DMD: variants seen among roughly 807,000 people sequenced by gnomAD.
The protein encoded by DMD is mutant dystrophin.
DMD carries 63 observed loss-of-function variants against 330.1 expected under a neutral mutation model. That is an observed-to-expected ratio of 0.19 (90% CI 0.16 to 0.24). The LOEUF (loss-of-function observed/expected upper bound fraction) is 0.24, where lower values mean the gene tolerates loss of function less well. Among genes scored for constraint, DMD ranks in the 10% least tolerant of loss-of-function variants. The pLI is 1.00. For synonymous variants in DMD, 1,223 were observed against 959.8 expected (o/e 1.27, Z -5.07); for missense variants, 3,344 against 2,684.1 (o/e 1.25, Z -5.43).
At chrX:32,769,700 G>A (rs2148450519) in intron 7 of DMD, among the ~76,000 whole-genome samples, 1 of 110,940 alleles carries the variant, frequency 9.0e-6, no homozygotes, top group African/African-American at 3.3e-5. Context: ...AGATATAAGA[G>A]CAGATGAATA....
At chrX:31,295,419 TTTTGTTTG>T (rs764149867) in intron 62 of DMD, among the ~76,000 whole-genome samples, 6 of 110,927 alleles carry the variant, frequency 5.4e-5, no homozygotes, top group African/African-American at 1.6e-4. Flanking sequence ...AATTCAATAT[TTTTGTTTG>T]TTTGTTTGTT....
At position 32,823,415 on chromosome X, in the gene DMD, A is replaced by C. The variant is rs766076256; in HGVS notation, c.265-28T>G. ...GTTAAAGAAAGGGGTAAAACATTTG[A>C]AGGTAAGAGACCAAATGCCTAGTTG... On this transcript the variant is annotated intron_variant, in intron 4 of 78. Transcript: ENST00000357033. 4 of 1,017,680 alleles carry C rather than the reference A, an allele frequency of 3.9e-6. No homozygotes were observed. In the Admixed American group the frequency reaches 8.8e-5, roughly 22 times the overall value. 83.9% of individuals were successfully genotyped at this position (1,017,680 alleles called of 1,213,427 possible). A position where few individuals can be genotyped will look rare whatever the true frequency, so the allele number is the denominator to read the frequency against.
intron 7 of DMD, among the ~76,000 whole-genome samples, chrX:32,806,167 G>T (rs895082267): frequency 8.9e-6 from 1 of 111,809 alleles, no homozygotes; most frequent in African/African-American, 3.3e-5. Context: ...AGACCAAATG[G>T]TGTGCTGTAG....
chrX:32,979,814 G>A (rs777556508), intron 2 of DMD, among the ~76,000 whole-genome samples: 8 of 111,299 alleles, frequency 7.2e-5, no homozygotes, highest in Admixed American at 2.9e-4. Flanking sequence ...ATTTCTCTGA[G>A]GAAGAAACAT....
chrX:32,637,068 C>T (rs1342054589), intron 11 of DMD, among the ~76,000 whole-genome samples: 4 of 111,529 alleles, frequency 3.6e-5, no homozygotes, highest in Non-Finnish European at 7.5e-5. Context: ...AATCAATCTT[C>T]CTGATTAAAT....
chrX:32,212,862 A>C (rs2097098111), intron 44 of DMD, among the ~76,000 whole-genome samples: 1 of 111,643 alleles, frequency 9.0e-6, no homozygotes, highest in Non-Finnish European at 1.9e-5. Context: ...AAAAGCACTA[A>C]TTCATGTACT....
chrX:32,524,079 C>T (rs1243426224), intron 17 of DMD, among the ~76,000 whole-genome samples: 1 of 108,999 alleles, frequency 9.2e-6, no homozygotes, highest in Non-Finnish European at 1.9e-5. Context: ...ACCACAGGCG[C>T]CCGCCACCAC....
chrX:32,621,157 G>A (rs1162215228), intron 11 of DMD, among the ~76,000 whole-genome samples: 4 of 111,493 alleles, frequency 3.6e-5, no homozygotes, highest in South Asian at 3.8e-4. Flanking sequence ...CTTTAGTGCA[G>A]TACTGGACAA....
intron 62 of DMD, among the ~76,000 whole-genome samples, chrX:31,265,783 T>TGGGGGGGGGGGGGG (rs57593344): frequency 6.1e-5 from 1 of 16,268 alleles, no homozygotes; most frequent in African/African-American, 3.0e-4. Flanking sequence ...ATTGGGGGTG[T>TGGGGGGGGGGGGGG]GGGGGGGGGG....
intron 41 of DMD, among the ~76,000 whole-genome samples, chrX:32,332,272 AT>A (rs750675557): frequency 1.8e-5 from 2 of 109,600 alleles, no homozygotes; most frequent in Non-Finnish European, 3.8e-5. Context: ...AAAAAAGACA[AT>A]TTTTTTTTGC....
chrX:33,113,414 A>G (rs1603299198), intron 1 of DMD, among the ~76,000 whole-genome samples: 2 of 106,539 alleles, frequency 1.9e-5, no homozygotes, highest in Admixed American at 9.7e-5. Flanking sequence ...GTAATTGGGG[A>G]AAAAAATAGT....
At chrX:31,660,147 G>C (rs2081042752) in intron 53 of DMD, among the ~76,000 whole-genome samples, 1 of 112,287 alleles carries the variant, frequency 8.9e-6, no homozygotes, top group Non-Finnish European at 1.9e-5. Context: ...CAATATCACT[G>C]ACTTTTGCTA....
intron 42 of DMD, among the ~76,000 whole-genome samples, chrX:32,289,738 G>A (rs191275488): frequency 8.1e-5 from 9 of 111,509 alleles, no homozygotes; most frequent in South Asian, 3.8e-4. Flanking sequence ...CAAATGCATG[G>A]CAATGTCAAG....
At chrX:31,979,981 A>T (rs1307973210) in intron 44 of DMD, among the ~76,000 whole-genome samples, 1 of 112,339 alleles carries the variant, frequency 8.9e-6, no homozygotes, top group African/African-American at 3.2e-5. Flanking sequence ...ATATAAGTTA[A>T]AACCACAACA....
At chrX:32,607,204 G>C (rs754871423) in intron 12 of DMD, among the ~76,000 whole-genome samples, 26 of 110,114 alleles carry the variant, frequency 2.4e-4, no homozygotes, top group Non-Finnish European at 3.8e-4. Flanking sequence ...ACTTCAGCTT[G>C]TACAGTGCTT....
At chrX:33,165,333 G>A (rs1276742674) in intron 1 of DMD, among the ~76,000 whole-genome samples, 1 of 111,561 alleles carries the variant, frequency 9.0e-6, no homozygotes, top group East Asian at 2.8e-4. Context: ...AGCAGGAAAA[G>A]ATAATCTTTA....
At chrX:32,807,122 T>TTAAAA (rs1345640031) in intron 7 of DMD, among the ~76,000 whole-genome samples, 5 of 20,741 alleles carry the variant, frequency 2.4e-4, no homozygotes, top group African/African-American at 1.1e-3. Flanking sequence ...CGGAAACATT[T>TTAAAA]AAAAAAAAAA....
rs1282166625 is a variant in DMD, at chrX:32,421,903, G to A, written c.4072-9990C>T. Among the ~76,000 whole-genome samples the A allele has an allele frequency of 5.4e-5, 6 of 111,660 alleles. No homozygotes were observed. In the South Asian group the frequency reaches 1.1e-3, roughly 21 times the overall value. The stretch of plus-strand genomic sequence containing the variant: ...CTTCCCCACAGGAAGTATCTGTTCC[G>A]TCAACATTGTGGTTCGGGTGAGGGA... On this transcript the variant is annotated intron_variant, in intron 29 of 78. Transcript: ENST00000357033.
intron 43 of DMD, among the ~76,000 whole-genome samples, chrX:32,276,089 C>A (rs898791679): frequency 2.7e-5 from 3 of 112,021 alleles, no homozygotes; most frequent in Non-Finnish European, 5.6e-5. Flanking sequence ...TACTGGGGGA[C>A]TTTACATTGA....
Sources: allele counts gnomAD v4.1 joint callset (sites outside exome capture counted in the v4.1 genomes callset), GRCh38; gene constraint gnomAD v4.1.1; transcripts MANE v1.5; gene names NCBI Gene and HGNC (gene_info 2026-07-23, HGNC 2026-07-21).